The following SORL1 variants were observed in gnomAD, a reference collection of about 807,000 sequenced individuals.
SORL1 encodes sortilin related receptor 1, also known as sortilin-related receptor.
A neutral mutation model predicts 273.7 loss-of-function variants in SORL1; 127 were observed. The observed-to-expected ratio is 0.46, with a 90% CI of 0.40 to 0.54. The LOEUF is 0.54. SORL1 is among the 20% of genes least tolerant of loss of function. The probability of loss-of-function intolerance (pLI) is 0.00; values close to 1 mark genes in which losing one functional copy is unlikely to be tolerated. For synonymous variants in SORL1, 1,031 were observed against 1,067.4 expected, an observed-to-expected ratio of 0.97 and a Z score of 0.66; for missense variants, 2,494 against 2,846.1, an observed-to-expected ratio of 0.88 and a Z score of 2.81.
intron 9 of SORL1, 97 bp from the exon 10 acceptor site, chr11:121,522,489 G>T: frequency 1.1e-6 from 1 of 889,682 alleles, no homozygotes; most frequent in Non-Finnish European, 1.9e-6. Flanking sequence ...TCCTTGCCCC[G>T]TGTCAGCTGC....
chr11:121,613,177 T>C (rs1863591860), intron 40 of SORL1, among the ~76,000 whole-genome samples: 1 of 152,238 alleles, frequency 6.6e-6, no homozygotes, highest in South Asian at 2.1e-4. Flanking sequence ...TACCTGTCTG[T>C]CCTTTCTAGT....
intron 18 of SORL1, 36 bp from the exon 19 acceptor site, chr11:121,557,278 A>G: frequency 1.3e-6 from 2 of 1,489,070 alleles, no homozygotes; most frequent in Non-Finnish European, 1.9e-6. Flanking sequence ...AGGAGCTCCG[A>G]TCCATCTCAG....
intron 6 of SORL1, among the ~76,000 whole-genome samples, chr11:121,505,657 C>A (rs899143034): frequency 6.6e-6 from 1 of 152,036 alleles, no homozygotes; most frequent in African/African-American, 2.4e-5. Context: ...TTTCATTCAT[C>A]TTAAAGTATT....
Position 121,633,754 on chromosome 11 carries a change from C to T in SORL1, c.*4191C>T, listed in dbSNP as rs55766389. The stretch of plus-strand genomic sequence containing the variant: ...GCAATAAAGATGGCTGACGCAGTCT[C>T]CAAACCCCATTTGATTGGTCTGTTT... On this transcript the variant is annotated 3_prime_UTR_variant, in exon 48 of 48. Coordinates refer to ENST00000260197, the MANE Select transcript of SORL1 (RefSeq NM_003105.6). 1 of 152,134 alleles carries T rather than the reference C, an allele frequency of 6.6e-6. No individual in the cohort carries two copies. The highest frequency in any genetic ancestry group is 2.4e-5 in the African/African-American group (1 of 41,434). 9.4% of individuals were successfully genotyped at this position (152,134 alleles called of 1,614,324 possible). A position where few individuals can be genotyped will look rare whatever the true frequency, so the allele number is the denominator to read the frequency against.
At chr11:121,567,276 G>A (rs1222006005) in intron 22 of SORL1, among the ~76,000 whole-genome samples, 163 bp downstream of exon 22, 1 of 152,186 alleles carries the variant, frequency 6.6e-6, no homozygotes, top group Non-Finnish European at 1.5e-5. Flanking sequence ...ATACTGGTTT[G>A]GGTTCTAAGT....
intron 12 of SORL1, 107 bp from the exon 13 acceptor site, chr11:121,543,441 T>G (rs1862376945): frequency 3.5e-6 from 3 of 858,974 alleles, no homozygotes; most frequent in Admixed American, 4.6e-5. Flanking sequence ...GGATCAGCCA[T>G]TTCTCCAAGG....
chr11:121,460,921 A>T (rs1164322698), intron 1 of SORL1, among the ~76,000 whole-genome samples: 1 of 152,146 alleles, frequency 6.6e-6, no homozygotes, highest in East Asian at 1.9e-4. Context: ...CATGCGAGAC[A>T]GTTCCACCTG....
intron 26 of SORL1, among the ~76,000 whole-genome samples, chr11:121,584,939 G>A (rs1005256127): frequency 6.6e-6 from 1 of 152,100 alleles, no homozygotes; most frequent in Non-Finnish European, 1.5e-5. Flanking sequence ...TTTTTGCTCA[G>A]GAGAAAGGGT....
chr11:121,507,691 A>G (rs1388673465), intron 6 of SORL1, among the ~76,000 whole-genome samples: 1 of 151,830 alleles, frequency 6.6e-6, no homozygotes, highest in African/African-American at 2.4e-5. Flanking sequence ...TTCATACTTT[A>G]TACATGATTT....
At chr11:121,496,693 C>T (rs1861634059) in intron 5 of SORL1, among the ~76,000 whole-genome samples, 176 bp from the exon 6 acceptor site, 2 of 152,116 alleles carry the variant, frequency 1.3e-5, no homozygotes, top group Non-Finnish European at 1.5e-5. Flanking sequence ...GCAATTTGTC[C>T]CCTCTATCCT....
intron 5 of SORL1, among the ~76,000 whole-genome samples, chr11:121,492,530 T>C (rs938361025): frequency 6.6e-6 from 1 of 152,216 alleles, no homozygotes; most frequent in Admixed American, 6.5e-5. Context: ...TTATTATTTG[T>C]CTTTCTCCCT....
At chr11:121,590,306 T>C (rs751317639) in intron 30 of SORL1, 132 bp downstream of exon 30, 30 of 840,140 alleles carry the variant, frequency 3.6e-5, no homozygotes, top group Non-Finnish European at 5.5e-5. Flanking sequence ...GTGACTCAAA[T>C]TTTTTCTGTT....
intron 12 of SORL1, among the ~76,000 whole-genome samples, chr11:121,542,615 T>C (rs1411409246): frequency 2.0e-5 from 3 of 152,092 alleles, no homozygotes; most frequent in Non-Finnish European, 2.9e-5. Flanking sequence ...ATTGATGATG[T>C]TTAGTTAAGA....
rs376092464 is a variant in SORL1, at chr11:121,615,010, C to G, written c.5559C>G (p.Ile1853Met). The G allele has an allele frequency of 1.6e-5, 26 of 1,612,412 alleles. No individual in the cohort carries two copies. The African/African-American group carries it at 3.3e-4, about 21-fold the overall frequency. Residue 1853 changes from isoleucine to methionine, a missense_variant, in exon 41 of 48, where the codon ATC becomes ATG. Ile to Met is a conservative substitution (Grantham distance 10). Transcript: ENST00000260197. Reference sequence around the variant, plus strand: ...CACCTAGCCTCAAGGCCAAAGCCATCAACCAGACTGCAGTGGAATGTACCT... The same window carrying G: ...CACCTAGCCTCAAGGCCAAAGCCATGAACCAGACTGCAGTGGAATGTACCT... ...PPAPSLKAKA[I>M]NQTAVECTWT...
chr11:121,606,278 G>A (rs769773672), intron 35 of SORL1, among the ~76,000 whole-genome samples: 4 of 152,050 alleles, frequency 2.6e-5, no homozygotes, highest in East Asian at 1.9e-4. Context: ...AGAGTTCCTC[G>A]CCTCCTCCCT....
intron 11 of SORL1, among the ~76,000 whole-genome samples, chr11:121,527,100 G>A (rs1862134809): frequency 6.6e-6 from 1 of 151,966 alleles, no homozygotes; most frequent in African/African-American, 2.4e-5. Context: ...CTCTCTCTGG[G>A]GGAAACAATT....
intron 7 of SORL1, 34 bp downstream of exon 7, chr11:121,513,138 A>G (rs1432203224): frequency 3.4e-6 from 5 of 1,466,398 alleles, no homozygotes; most frequent in Admixed American, 1.7e-5. Flanking sequence ...GGGAAGAAGT[A>G]TCATTGTCTT....
At chr11:121,465,189 G>A (rs1442462076) in intron 1 of SORL1, among the ~76,000 whole-genome samples, 1 of 152,004 alleles carries the variant, frequency 6.6e-6, no homozygotes, top group Non-Finnish European at 1.5e-5. Context: ...CCAGCCCCTC[G>A]TAACCACTAA....
intron 26 of SORL1, 92 bp downstream of exon 26, chr11:121,583,675 G>C (rs1863048692): frequency 2.2e-6 from 3 of 1,387,642 alleles, no homozygotes; most frequent in African/African-American, 1.5e-5. Flanking sequence ...ATGAAATGCT[G>C]TTCTCCTATG....
Sources: gnomAD v4.1 joint callset for allele counts (sites outside exome capture counted in the v4.1 genomes callset) on GRCh38, gnomAD v4.1.1 for gene constraint, MANE v1.5 for transcripts, NCBI Gene and HGNC (gene_info 2026-07-23, HGNC 2026-07-21) for gene names.